Variants in TRPM5 observed in about 807,000 individuals in gnomAD.
TRPM5 encodes the protein MLSN1 and TRP-related.
A neutral mutation model predicts 124.9 loss-of-function variants in TRPM5; 121 were observed. The ratio of observed to expected loss-of-function variants is 0.97; its 90% confidence interval spans 0.84 to 1.13. The LOEUF (loss-of-function observed/expected upper bound fraction) is 1.13. Among genes scored for constraint, TRPM5 ranks in the 50% most tolerant of loss-of-function variants. TRPM5 has a pLI of 0.00. For missense variants in TRPM5, 1,643 were observed against 1,589.1 expected (o/e 1.03, Z -0.58); for synonymous variants, 781 against 700.5 (o/e 1.11, Z -1.81).
At chr11:2,423,469 C>G (rs1265117346), upstream of TRPM5, among the ~76,000 whole-genome samples, 1 of 152,140 alleles carries the variant, frequency 6.6e-6, no homozygotes, top group East Asian at 1.9e-4. Flanking sequence ...ACAGCCCACC[C>G]GCTCCCAGGA....
At chr11:2,422,544 CT>C (rs1845787644) in intron 1 of TRPM5, among the ~76,000 whole-genome samples, 1 of 151,984 alleles carries the variant, frequency 6.6e-6, no homozygotes, top group South Asian at 2.1e-4. Context: ...CCCAATATCC[CT>C]TCTGGGACAG....
intron 15 of TRPM5, 144 bp downstream of exon 20, chr11:2,412,610 G>A (rs1044451655): frequency 1.6e-4 from 143 of 916,262 alleles, no homozygotes; most frequent in South Asian, 1.3e-3. Context: ...GATCATGGCC[G>A]CTGGTGACTG....
At chr11:2,414,174 C>A in exon 12 of TRPM5, 2 of 1,609,994 alleles carry the variant, frequency 1.2e-6, no homozygotes, top group Admixed American at 1.7e-5. Context: ...AAGGCGCGGG[C>A]CTCACTGTTG....
upstream of TRPM5, among the ~76,000 whole-genome samples, chr11:2,426,850 G>A (rs1450576024): frequency 6.6e-6 from 1 of 152,198 alleles, no homozygotes; most frequent in Non-Finnish European, 1.5e-5. Context: ...TCCCTATGAG[G>A]ATGCCCCATC....
upstream of TRPM5, among the ~76,000 whole-genome samples, chr11:2,426,659 C>T (rs1057007477): frequency 2.0e-5 from 3 of 152,142 alleles, no homozygotes; most frequent in African/African-American, 7.2e-5. Context: ...GCTGGATGAC[C>T]AGGCCCTGGG....
At chr11:2,407,192 G>T (rs1850341358) in exon 20 of TRPM5, 9 of 1,611,232 alleles carry the variant, frequency 5.6e-6, no homozygotes, top group Non-Finnish European at 7.6e-6. Flanking sequence ...GGCTGAGCAG[G>T]ATGAAGGGCG....
At chr11:2,432,728 A>C in the TRPM5 span, among the ~76,000 whole-genome samples, 1 of 152,240 alleles carries the variant, frequency 6.6e-6, no homozygotes, top group Non-Finnish European at 1.5e-5. Context: ...CACCCAGAGT[A>C]GGGCCCGCTG....
chr11:2,423,881 C>A (rs1449372045), upstream of TRPM5, among the ~76,000 whole-genome samples: 2 of 152,252 alleles, frequency 1.3e-5, no homozygotes, highest in Non-Finnish European at 2.9e-5. Context: ...AGCTGCCCAG[C>A]CCCAGCCTGG....
At chr11:2,440,056 T>A in the TRPM5 span, among the ~76,000 whole-genome samples, 1 of 152,180 alleles carries the variant, frequency 6.6e-6, no homozygotes, top group African/African-American at 2.4e-5. This position sits in a 1 kb window ranked among gnomAD's most constrained non-coding sequence, Gnocchi z 5.2. Flanking sequence ...GACACCATTA[T>A]CCTAAGCAAA....
At chr11:2,412,839 A>T in exon 15 of TRPM5, 1 of 1,603,212 alleles carries the variant, frequency 6.2e-7, no homozygotes, top group Non-Finnish European at 8.5e-7. Flanking sequence ...GGGCGGCCTG[A>T]AGTCCACCAG....
the TRPM5 span, among the ~76,000 whole-genome samples, chr11:2,443,825 C>CT: frequency 1.4e-5 from 2 of 147,346 alleles, no homozygotes; most frequent in African/African-American, 5.0e-5. This position sits in a 1 kb window ranked among gnomAD's most constrained non-coding sequence, Gnocchi z 5.0. Flanking sequence ...TGCCCCCCAC[C>CT]CCCCCCCCAA....
chr11:2,414,011 C>CCCCCCCCCCCCCCCCCCCCCCA, intron 12 of TRPM5, 50 bp downstream of exon 17: 1 of 482,248 alleles, frequency 2.1e-6, no homozygotes, highest in Non-Finnish European at 4.1e-6. Flanking sequence ...CCCAGCTCGC[C>CCCCCCCCCCCCCCCCCCCCCCA]CGCCCACCCC....
intron 2 of TRPM5, 24 bp from the exon 8 acceptor site, chr11:2,421,222 G>A (rs528150560): frequency 1.0e-5 from 16 of 1,527,588 alleles, no homozygotes; most frequent in East Asian, 2.5e-5. Flanking sequence ...AGAGGGCCTC[G>A]TTGTGCCGCA....
chr11:2,405,774 C>T (rs927014041), intron 22 of TRPM5, among the ~76,000 whole-genome samples, 181 bp from the exon 28 acceptor site: 2 of 152,092 alleles, frequency 1.3e-5, no homozygotes, highest in East Asian at 1.9e-4. Flanking sequence ...GAGTGAAAGG[C>T]GAGGGGTCTT....
At chr11:2,443,728 G>A in the TRPM5 span, among the ~76,000 whole-genome samples, 1 of 152,176 alleles carries the variant, frequency 6.6e-6, no homozygotes, top group Admixed American at 6.5e-5. This position sits in a 1 kb window ranked among gnomAD's most constrained non-coding sequence, Gnocchi z 5.0. Context: ...TCCTGGCGGG[G>A]CGGAGAGTCA....
the TRPM5 span, among the ~76,000 whole-genome samples, chr11:2,436,472 G>C: frequency 6.6e-6 from 1 of 152,266 alleles, no homozygotes; most frequent in African/African-American, 2.4e-5. Context: ...CCAGGGAGGG[G>C]AGGGGCTGGC....
At position 2,406,660 on chromosome 11, in the gene TRPM5, C is replaced by G; in HGVS notation, c.3251+1G>C. ...CCAGTGATCAGGACAGGCCCCCGCACCTGTGGGCGGTTTTCCGCAGCACCT... is the reference window on the plus strand; with the variant it reads ...CCAGTGATCAGGACAGGCCCCCGCAGCTGTGGGCGGTTTTCCGCAGCACCT... On this transcript the variant is annotated splice_donor_variant, in intron 21 of 23. Coordinates refer to ENST00000155858, the Ensembl canonical transcript of TRPM5. LOFTEE classifies it high-confidence loss of function. The G allele has an allele frequency of 6.2e-7, 1 of 1,607,760 alleles. No individual in the cohort carries two copies. The highest frequency in any genetic ancestry group is 8.5e-7 in the Non-Finnish European group (1 of 1,176,872).
chr11:2,420,078 TCTCGG>T lies in TRPM5; in HGVS notation c.649+139_649+143del. 7 of 324,144 alleles carry T rather than the reference TCTCGG, an allele frequency of 2.2e-5. 1 individual carries two copies. The Admixed American group carries it at 3.0e-4, about 14-fold the overall frequency. The allele number at this position is 324,144 out of a possible 1,614,324, so 20.1% of individuals were successfully genotyped here. A position where few individuals can be genotyped will look rare whatever the true frequency, so the allele number is the denominator to read the frequency against. On this transcript the variant is annotated intron_variant, in intron 4 of 23. Transcript: ENST00000155858. ...ACGGCCCAGGCCCCCACGGCCCAGGTCTCGGTGCTCAGGCATGCGGGGTGCGTTCT... is the reference window on the plus strand; with the variant it reads ...ACGGCCCAGGCCCCCACGGCCCAGGTTGCTCAGGCATGCGGGGTGCGTTCT...
chr11:2,428,576 T>C, the TRPM5 span, among the ~76,000 whole-genome samples: 764 of 151,554 alleles, frequency 5.0e-3, 4 homozygotes, highest in African/African-American at 0.017. This position sits in a 1 kb window ranked among gnomAD's most constrained non-coding sequence, Gnocchi z 4.0. Context: ...GTGGCGGTGG[T>C]GGTGATGGTG....
Sources: gnomAD v4.1 joint callset for allele counts (sites outside exome capture counted in the v4.1 genomes callset) on GRCh38, gnomAD v4.1.1 for gene constraint, Gnocchi (gnomAD v3.1) non-coding constraint, MANE v1.5 for transcripts, NCBI Gene and HGNC (gene_info 2026-07-23, HGNC 2026-07-21) for gene names.